The following DSCAM variants were observed in gnomAD, a reference collection of about 807,000 sequenced individuals.
DSCAM encodes the protein DS cell adhesion molecule.
In DSCAM, 47 loss-of-function variants were observed where a neutral mutation model predicts 217.7. The observed-to-expected ratio is 0.22, with a 90% CI of 0.17 to 0.28. The LOEUF is 0.28. Among genes scored for constraint, DSCAM ranks in the 10% least tolerant of loss-of-function variants. The pLI is 1.00. For missense variants in DSCAM, 2,080 were observed against 2,618.3 expected (o/e 0.79, Z 4.49); for synonymous variants, 1,056 against 1,015.3 (o/e 1.04, Z -0.76).
chr21:40,251,662 G>T (rs2073306518), intron 11 of DSCAM, among the ~76,000 whole-genome samples: 1 of 152,132 alleles, frequency 6.6e-6, no homozygotes, highest in Non-Finnish European at 1.5e-5. Flanking sequence ...CAGTGATCCT[G>T]TCCCCTGATA....
At chr21:40,411,974 C>A (rs764093269) in intron 3 of DSCAM, among the ~76,000 whole-genome samples, 4 of 152,112 alleles carry the variant, frequency 2.6e-5, no homozygotes, top group African/African-American at 9.7e-5. Context: ...TTGGGTCTTT[C>A]GCTTTCCTGT....
intron 21 of DSCAM, among the ~76,000 whole-genome samples, chr21:40,089,529 C>T (rs2089577811): frequency 6.6e-6 from 1 of 152,228 alleles, no homozygotes; most frequent in South Asian, 2.1e-4. Context: ...TGGCCCCATT[C>T]TGCCACTCCC....
At chr21:40,442,856 C>T (rs1341151193) in intron 3 of DSCAM, among the ~76,000 whole-genome samples, 1 of 152,092 alleles carries the variant, frequency 6.6e-6, no homozygotes, top group African/African-American at 2.4e-5. Flanking sequence ...GGAACATGCC[C>T]CCTTAATGAA....
Position 40,680,608 on chromosome 21 carries a change from C to T in DSCAM, c.508+12202G>A, listed in dbSNP as rs190835845. On this transcript the variant is annotated intron_variant, in intron 3 of 32. Transcript: ENST00000400454. ...AGCTTCTTTTCAAAGAACATTTTGA[C>T]TCTGCTCTACTGCAGAGCAGTGTGT... is the stretch of plus-strand genomic sequence containing the variant. Among the ~76,000 whole-genome samples the T allele has an allele frequency of 1.1e-3, 172 of 152,344 alleles. 1 individual carries two copies. The highest frequency in any genetic ancestry group is 1.9e-3 in the Non-Finnish European group (128 of 68,034).
chr21:40,204,879 GTTATGGGC>G (rs1292098428), intron 11 of DSCAM, among the ~76,000 whole-genome samples: 5 of 152,324 alleles, frequency 3.3e-5, no homozygotes, highest in African/African-American at 1.2e-4. Context: ...CCTGCTTTGT[GTTATGGGC>G]TTATGAGCCC....
At chr21:40,470,173 T>C (rs2075876400) in intron 3 of DSCAM, among the ~76,000 whole-genome samples, 1 of 152,222 alleles carries the variant, frequency 6.6e-6, no homozygotes, top group African/African-American at 2.4e-5. Flanking sequence ...TATTTCAAGT[T>C]TGGATGCAAA....
At chr21:40,663,333 T>A (rs2090162863) in intron 3 of DSCAM, among the ~76,000 whole-genome samples, 1 of 151,914 alleles carries the variant, frequency 6.6e-6, no homozygotes, top group African/African-American at 2.4e-5. Flanking sequence ...AGAGTATGTG[T>A]GTGTCCTGTT....
chr21:40,775,916 T>C (rs996443066), intron 1 of DSCAM, among the ~76,000 whole-genome samples: 2 of 152,218 alleles, frequency 1.3e-5, no homozygotes, highest in African/African-American at 4.8e-5. Context: ...TTGTTCATCA[T>C]GGTATTTCAG....
intron 3 of DSCAM, among the ~76,000 whole-genome samples, chr21:40,665,540 C>A (rs1391736841): frequency 6.6e-6 from 1 of 152,130 alleles, no homozygotes; most frequent in Non-Finnish European, 1.5e-5. Flanking sequence ...GCATAAATTC[C>A]CTGACCTCTG....
chr21:40,458,836 A>G (rs2075783603), intron 3 of DSCAM, among the ~76,000 whole-genome samples: 2 of 152,066 alleles, frequency 1.3e-5, no homozygotes, highest in African/African-American at 4.8e-5. Flanking sequence ...TTCATTAAAT[A>G]TTTCCCCACA....
intron 3 of DSCAM, among the ~76,000 whole-genome samples, chr21:40,478,284 G>T (rs944042001): frequency 1.3e-5 from 2 of 152,168 alleles, no homozygotes; most frequent in African/African-American, 4.8e-5. Flanking sequence ...GAGCTATTAT[G>T]AAAAGTGCTG....
chr21:40,781,010 A>T (rs558931546), intron 1 of DSCAM, among the ~76,000 whole-genome samples: 184 of 89,570 alleles, frequency 2.1e-3, no homozygotes, highest in African/African-American at 6.5e-3. Flanking sequence ...ATTAATAGTA[A>T]CATTTTTTTT....
At chr21:40,798,542 T>G (rs1387287288) in intron 1 of DSCAM, among the ~76,000 whole-genome samples, 1 of 152,086 alleles carries the variant, frequency 6.6e-6, no homozygotes, top group Non-Finnish European at 1.5e-5. Context: ...GCACATGAAT[T>G]GGCAATAATA....
chr21:40,481,159 G>A (rs2075978621), intron 3 of DSCAM, among the ~76,000 whole-genome samples: 1 of 152,124 alleles, frequency 6.6e-6, no homozygotes, highest in African/African-American at 2.4e-5. Flanking sequence ...TCCCCCAACA[G>A]AAGCTCCCTG....
chr21:40,494,789 A>G (rs539220820), intron 3 of DSCAM, among the ~76,000 whole-genome samples: 148 of 152,012 alleles, frequency 9.7e-4, no homozygotes, highest in African/African-American at 3.3e-3. Flanking sequence ...TAGAACTAGA[A>G]AAACAATAGA....
intron 3 of DSCAM, among the ~76,000 whole-genome samples, chr21:40,501,306 C>T (rs558666937): frequency 6.6e-6 from 1 of 152,178 alleles, no homozygotes; most frequent in African/African-American, 2.4e-5. Context: ...TCTTCAAATA[C>T]ATATTTGAAG....
intron 3 of DSCAM, among the ~76,000 whole-genome samples, chr21:40,578,607 T>C (rs2076875842): frequency 6.6e-6 from 1 of 152,190 alleles, no homozygotes; most frequent in African/African-American, 2.4e-5. Flanking sequence ...GGGACCCCTT[T>C]TGCACTGTGG....
chr21:40,327,789 C>T (rs1184984215), intron 8 of DSCAM, among the ~76,000 whole-genome samples: 1 of 151,900 alleles, frequency 6.6e-6, no homozygotes, highest in Non-Finnish European at 1.5e-5. Context: ...TTTTCTACAC[C>T]TATTGAAATA....
At chr21:40,357,729 G>A (rs1404867797) in intron 4 of DSCAM, among the ~76,000 whole-genome samples, 1 of 152,008 alleles carries the variant, frequency 6.6e-6, no homozygotes, top group African/African-American at 2.4e-5. Flanking sequence ...GGGGAGGGGG[G>A]AGAGATAGCA....
Sources: allele counts gnomAD v4.1 joint callset (sites outside exome capture counted in the v4.1 genomes callset), GRCh38; gene constraint gnomAD v4.1.1; transcripts MANE v1.5; gene names NCBI Gene and HGNC (gene_info 2026-07-23, HGNC 2026-07-21).